The following THSD7B variants were observed in gnomAD, a reference collection of about 807,000 sequenced individuals.
THSD7B encodes thrombospondin type-1 domain-containing protein 7B.
In THSD7B, 138 loss-of-function variants were observed where a neutral mutation model predicts 213.6. That is an observed-to-expected ratio of 0.65 (90% CI 0.56 to 0.74). The LOEUF (loss-of-function observed/expected upper bound fraction) is 0.74. THSD7B is among the 30% of genes least tolerant of loss of function. The pLI is 0.00. For missense variants in THSD7B, 1,931 were observed against 1,991.5 expected (o/e 0.97, Z 0.58); for synonymous variants, 742 against 687.0 (o/e 1.08, Z -1.25).
At chr2:137,338,704 TCTG>T (rs1684694690) in intron 12 of THSD7B, among the ~76,000 whole-genome samples, 1 of 152,096 alleles carries the variant, frequency 6.6e-6, no homozygotes, top group East Asian at 1.9e-4. Context: ...AAACCAAAAT[TCTG>T]CTTAGGATGT....
At chr2:136,792,509 G>A (rs1314879150) in intron 1 of THSD7B, among the ~76,000 whole-genome samples, 2 of 151,978 alleles carry the variant, frequency 1.3e-5, no homozygotes, top group African/African-American at 2.4e-5. Flanking sequence ...TGGTGTAAAC[G>A]ATGGGCTTCT....
At chr2:137,260,489 A>G (rs886960131) in intron 10 of THSD7B, among the ~76,000 whole-genome samples, 4 of 152,152 alleles carry the variant, frequency 2.6e-5, no homozygotes, top group Non-Finnish European at 4.4e-5. Flanking sequence ...TTGTCCAGGC[A>G]TGGTGGTTCA....
intron 12 of THSD7B, among the ~76,000 whole-genome samples, chr2:137,404,474 T>TATACACACAC (rs1306580538): frequency 2.5e-4 from 10 of 40,258 alleles, no homozygotes; most frequent in African/African-American, 1.2e-3. Flanking sequence ...TATATATATA[T>TATACACACAC]ACACACACAC....
chr2:137,308,137 C>T (rs561811264), intron 12 of THSD7B, among the ~76,000 whole-genome samples: 6 of 152,162 alleles, frequency 3.9e-5, no homozygotes, highest in Admixed American at 6.5e-5. Flanking sequence ...CTTCTTGATG[C>T]TCCTGCCCAC....
intron 1 of THSD7B, among the ~76,000 whole-genome samples, chr2:136,826,371 C>T (rs939089597): frequency 6.6e-6 from 1 of 152,158 alleles, no homozygotes. Flanking sequence ...GGAGGTAAAT[C>T]GGATTCATCC....
chr2:137,492,650 T>C (rs1307347707), intron 15 of THSD7B, among the ~76,000 whole-genome samples: 1 of 152,128 alleles, frequency 6.6e-6, no homozygotes, highest in Non-Finnish European at 1.5e-5. Context: ...TTATTCCTCC[T>C]CTATAAAAAG....
At chr2:137,602,792 C>T (rs1399745259) in intron 17 of THSD7B, among the ~76,000 whole-genome samples, 3 of 152,154 alleles carry the variant, frequency 2.0e-5, no homozygotes. Context: ...AAAGTCCCAC[C>T]TCTCAACACA....
intron 2 of THSD7B, among the ~76,000 whole-genome samples, chr2:137,034,139 T>C (rs928613411): frequency 6.6e-6 from 1 of 152,168 alleles, no homozygotes; most frequent in African/African-American, 2.4e-5. Context: ...CATCCTTTTT[T>C]ATGGCTGCAT....
intron 2 of THSD7B, chr2:136,990,937 G>GT: frequency 1.5e-6 from 2 of 1,343,608 alleles, no homozygotes; most frequent in South Asian, 2.4e-5. Context: ...CAAATTAGCA[G>GT]GTAAATCAGA....
At chr2:136,959,381 A>G (rs1377050930) in intron 2 of THSD7B, among the ~76,000 whole-genome samples, 1 of 152,212 alleles carries the variant, frequency 6.6e-6, no homozygotes, top group East Asian at 1.9e-4. Flanking sequence ...TGTCAAAGTC[A>G]GTTACTGAAA....
intron 1 of THSD7B, among the ~76,000 whole-genome samples, chr2:136,816,507 T>C (rs1285464019): frequency 6.6e-6 from 1 of 152,234 alleles, no homozygotes; most frequent in Admixed American, 6.5e-5. Flanking sequence ...ACAGTTTATT[T>C]ACCCAATATC....
intron 2 of THSD7B, among the ~76,000 whole-genome samples, chr2:137,054,817 G>A (rs1247832431): frequency 6.6e-6 from 1 of 151,836 alleles, no homozygotes; most frequent in Non-Finnish European, 1.5e-5. Flanking sequence ...TGAACATGCA[G>A]GTTTGTTACA....
chr2:137,493,531 C>A (rs1679482873), intron 15 of THSD7B, among the ~76,000 whole-genome samples: 1 of 152,192 alleles, frequency 6.6e-6, no homozygotes, highest in African/African-American at 2.4e-5. Flanking sequence ...AGAGGGCACT[C>A]ATGGCGCACA....
intron 2 of THSD7B, among the ~76,000 whole-genome samples, chr2:136,972,076 C>G (rs1685414551): frequency 6.6e-6 from 1 of 151,058 alleles, no homozygotes; most frequent in Non-Finnish European, 1.5e-5. Context: ...TCCCTGAAGT[C>G]TCTATGACAA....
intron 1 of THSD7B, among the ~76,000 whole-genome samples, chr2:136,871,526 A>G (rs10928576): frequency 0.6 from 91,533 of 151,662 alleles, 28,107 homozygotes; most frequent in Middle Eastern, 0.73. Flanking sequence ...AGAGGGAGTA[A>G]GGGAACATTT....
chr2:137,008,851 T>C (rs946903123), intron 2 of THSD7B, among the ~76,000 whole-genome samples: 1 of 152,206 alleles, frequency 6.6e-6, no homozygotes, highest in Non-Finnish European at 1.5e-5. Context: ...TTCTTTTTAT[T>C]TTTTCATTTT....
chr2:137,364,936 A>G (rs1373990467), intron 12 of THSD7B, among the ~76,000 whole-genome samples: 1 of 152,224 alleles, frequency 6.6e-6, no homozygotes, highest in Non-Finnish European at 1.5e-5. Flanking sequence ...TTGCCAAGAC[A>G]ATCCTAAGCC....
At chr2:137,510,858 A>G (rs554755636) in intron 15 of THSD7B, among the ~76,000 whole-genome samples, 20 of 152,224 alleles carry the variant, frequency 1.3e-4, no homozygotes, top group Admixed American at 7.9e-4. Flanking sequence ...CTTTGTGTTT[A>G]TACTATTCGG....
chr2:137,252,725 C>T (rs1225928933), intron 10 of THSD7B, among the ~76,000 whole-genome samples: 1 of 152,118 alleles, frequency 6.6e-6, no homozygotes, highest in African/African-American at 2.4e-5. Context: ...GAGAATGATG[C>T]AGGAGCATCC....
Sources: gnomAD v4.1 joint callset for allele counts (sites outside exome capture counted in the v4.1 genomes callset) on GRCh38, gnomAD v4.1.1 for gene constraint, MANE v1.5 for transcripts, NCBI Gene and HGNC (gene_info 2026-07-23, HGNC 2026-07-21) for gene names.